SMG1: variants seen among roughly 807,000 people sequenced by gnomAD.
The protein encoded by SMG1 is SMG1 nonsense mediated mRNA decay associated PI3K related kinase, also known as serine/threonine-protein kinase SMG1.
In SMG1, 22 loss-of-function variants were observed where a neutral mutation model predicts 419.9. The observed-to-expected ratio is 0.05, with a 90% CI of 0.04 to 0.07. The LOEUF (loss-of-function observed/expected upper bound fraction) is 0.07, where lower values mean the gene tolerates loss of function less well. SMG1 is among the 10% of genes least tolerant of loss of function. The pLI, the probability that SMG1 is intolerant of heterozygous loss-of-function variation, is 1.00. For missense variants in SMG1, 3,185 were observed against 4,342.0 expected (o/e 0.73, Z 7.49); for synonymous variants, 1,538 against 1,553.5 (o/e 0.99, Z 0.23).
chr16:18,840,450 TTTCA>T (rs2033849677), intron 41 of SMG1, among the ~76,000 whole-genome samples: 1 of 152,202 alleles, frequency 6.6e-6, no homozygotes, highest in Admixed American at 6.5e-5. Context: ...ACTTGCCTCC[TTTCA>T]AACTCATGCT....
At chr16:18,923,576 A>C (rs1047688734) in intron 1 of SMG1, among the ~76,000 whole-genome samples, 10 of 151,668 alleles carry the variant, frequency 6.6e-5, no homozygotes, top group Non-Finnish European at 1.5e-4. Context: ...CAGAGGCTGC[A>C]GTGAGTCGAG....
intron 39 of SMG1, among the ~76,000 whole-genome samples, chr16:18,842,702 G>A (rs147031354): frequency 9.9e-4 from 150 of 152,236 alleles, no homozygotes; most frequent in Middle Eastern, 3.4e-3. Flanking sequence ...GCTCGTGCCT[G>A]TAGTCCCAGA....
chr16:18,832,922 CA>C lies in SMG1; in HGVS notation c.8792+17del, dbSNP rs2033302728. The C allele has an allele frequency of 6.3e-7, 1 of 1,598,058 alleles. No individual in the cohort carries two copies. Among genetic ancestry groups the C allele is most frequent in the Non-Finnish European group, 8.6e-7 (1 of 1,165,618 alleles). ...CCATCTCTTTTACAAGGAAACGGCA[CA>C]GCCAGCATTCACTTGCCTGGCAACA... On this transcript the variant is annotated intron_variant, in intron 51 of 62. Coordinates refer to ENST00000446231, the MANE Select transcript of SMG1 (RefSeq NM_015092.5).
At chr16:18,829,035 C>T (rs2141200801) in intron 54 of SMG1, among the ~76,000 whole-genome samples, 1 of 151,490 alleles carries the variant, frequency 6.6e-6, no homozygotes, top group Non-Finnish European at 1.5e-5. Flanking sequence ...ACAGATCATG[C>T]TTATCATACA....
At chr16:18,908,796 C>T (rs1339005351) in intron 1 of SMG1, among the ~76,000 whole-genome samples, 1 of 151,482 alleles carries the variant, frequency 6.6e-6, no homozygotes, top group East Asian at 1.9e-4. Context: ...AGGAGAATGG[C>T]GTGAGCGCGG....
Position 18,834,951 on chromosome 16 carries a change from T to G in SMG1, c.8271A>C (p.Gly2757=). ...TTGCTAGACTCAAAGATCCTTCTTC[T>G]CCATTCTCATGAAGGAAAACTTTAA... ...RCIKVFLHEN[G]EEGSLSLASV... Residue 2757 remains glycine (G), a synonymous_variant, in exon 49 of 63, where the codon GGA becomes GGC. Transcript: ENST00000446231. The G allele has an allele frequency of 6.2e-7, 1 of 1,614,040 alleles. No homozygotes were observed. Among genetic ancestry groups the G allele is most frequent in the East Asian group, 2.2e-5 (1 of 44,886 alleles).
At chr16:18,883,824 C>A (rs1304202712) in intron 9 of SMG1, among the ~76,000 whole-genome samples, 1 of 149,864 alleles carries the variant, frequency 6.7e-6, no homozygotes, top group African/African-American at 2.5e-5. Flanking sequence ...GAGGCTGAGG[C>A]AGGAGAATCA....
At chr16:18,899,522 T>C (rs1324804981) in intron 1 of SMG1, among the ~76,000 whole-genome samples, 3 of 152,192 alleles carry the variant, frequency 2.0e-5, no homozygotes, top group Non-Finnish European at 4.4e-5. Context: ...CAAAATGCTT[T>C]AGCATTTATA....
intron 1 of SMG1, among the ~76,000 whole-genome samples, chr16:18,913,267 C>G (rs1401225311): frequency 6.6e-6 from 1 of 152,064 alleles, no homozygotes; most frequent in African/African-American, 2.4e-5. Flanking sequence ...GGGTTTGTAT[C>G]ATCAGGAATA....
intron 25 of SMG1, among the ~76,000 whole-genome samples, chr16:18,863,211 A>C (rs372570193): frequency 2.6e-5 from 4 of 152,332 alleles, no homozygotes; most frequent in South Asian, 4.1e-4. Context: ...CTCAGTTTTG[A>C]ATTACAGAAT....
rs1466457366 is a variant in SMG1, at chr16:18,809,156, T to A, written c.*413A>T. 1 of 164,410 alleles carries A rather than the reference T, an allele frequency of 6.1e-6. No individual in the cohort carries two copies. The highest frequency in any genetic ancestry group is 1.3e-5 in the Non-Finnish European group (1 of 75,252). The allele number at this position is 164,410 out of a possible 1,614,324, so 10.2% of individuals were successfully genotyped here. ...CTGTGATTTCTTCGCGACCCCAGTT[T>A]TCTCTGTTTCTGAGTGGGGTTTGTT... On this transcript the variant is annotated 3_prime_UTR_variant, in exon 63 of 63. Transcript: ENST00000446231.
In SMG1 at chr16:18,805,196, G is replaced by A. The variant is rs2030711793; in HGVS notation, c.*4373C>T. ...TGATGTTGTTGCCACTGACATTACA[G>A]GTGGAAATATAAGGGAAATTTAAAC... On this transcript the variant is annotated 3_prime_UTR_variant, in exon 63 of 63. Coordinates refer to ENST00000446231, the MANE Select transcript of SMG1 (RefSeq NM_015092.5). The A allele has an allele frequency of 6.6e-6, 1 of 152,140 alleles. No individual in the cohort carries two copies. The highest frequency in any genetic ancestry group is 1.5e-5 in the Non-Finnish European group (1 of 68,026). 9.4% of individuals were successfully genotyped at this position (152,140 alleles called of 1,614,324 possible). A position where few individuals can be genotyped will look rare whatever the true frequency, so the allele number is the denominator to read the frequency against.
chr16:18,865,141 G>C (rs2035431627), intron 23 of SMG1, among the ~76,000 whole-genome samples: 1 of 152,132 alleles, frequency 6.6e-6, no homozygotes, highest in African/African-American at 2.4e-5. Context: ...AACAATCTTA[G>C]TATTTCATAA....
Position 18,836,050 on chromosome 16 carries a change from A to G in SMG1, c.7940T>C (p.Val2647Ala), listed in dbSNP as rs1341887191. Residue 2647 changes from valine to alanine, a missense_variant, in exon 48 of 63, where the codon GTG becomes GCG. Val to Ala is a moderately conservative substitution (Grantham distance 64). Around this residue, in one of 27 missense-constraint regions of SMG1, gnomAD observed 412 missense variants for 546.6 expected, o/e 0.75. Coordinates refer to ENST00000446231, the MANE Select transcript of SMG1 (RefSeq NM_015092.5). ...TATGGCCTTCGGATACTGCAGGGCC[A>G]CGGTTGCATAGTGATGCAGTTGCTC... ...CLEQLHHYAT[V>A]ALQYPKAIFQ... 2 of 1,599,020 alleles carry G rather than the reference A, an allele frequency of 1.3e-6. No individual in the cohort carries two copies. The highest frequency in any genetic ancestry group is 1.7e-6 in the Non-Finnish European group (2 of 1,172,652).
chr16:18,898,386 AG>A lies in SMG1; in HGVS notation c.93-1431del, dbSNP rs36078579. ...CATAAAGCTAAGTACTTAGAACATA[AG>A]GGAAAATAAAATCTATGGAATTTCA... On this transcript the variant is annotated intron_variant, in intron 1 of 62. Transcript: ENST00000446231. Among the ~76,000 whole-genome samples the A allele has an allele frequency of 6.6e-4, 100 of 152,216 alleles. 1 individual carries two copies. Among genetic ancestry groups the A allele is most frequent in the African/African-American group, 2.2e-3 (92 of 41,564 alleles).
At chr16:18,832,184 A>G (rs921256981) in intron 51 of SMG1, among the ~76,000 whole-genome samples, 4 of 152,074 alleles carry the variant, frequency 2.6e-5, no homozygotes, top group African/African-American at 9.7e-5. Flanking sequence ...TACTCTCTCA[A>G]TTATACTTCT....
intron 29 of SMG1, chr16:18,856,867 CA>C (rs56786029): frequency 0.53 from 71,263 of 134,264 alleles, 17,365 homozygotes; most frequent in Middle Eastern, 0.62. Flanking sequence ...GAGATGGTCT[CA>C]AAAAAAAAAA....
chr16:18,912,465 T>C (rs1340444273), intron 1 of SMG1, among the ~76,000 whole-genome samples: 3 of 152,060 alleles, frequency 2.0e-5, no homozygotes, highest in Non-Finnish European at 1.5e-5. Flanking sequence ...AAACATTACG[T>C]TGTACCCTAT....
chr16:18,926,162 G>GAGT lies in SMG1; in HGVS notation c.-122_-121insACT, dbSNP rs543424633. The GAGT allele has an allele frequency of 3.1e-6, 2 of 646,328 alleles. No individual in the cohort carries two copies. The highest frequency in any genetic ancestry group is 6.9e-5 in the East Asian group (2 of 29,064). 40.0% of individuals were successfully genotyped at this position (646,328 alleles called of 1,614,324 possible). On this transcript the variant is annotated 5_prime_UTR_variant, in exon 1 of 63. Transcript: ENST00000446231. Reference sequence around the variant, plus strand: ...GGCTGAGGAGGAAGCCGAGAAGGAGGAGGAGGAGGAGGAGGAGGAGAAGGA... The same window carrying GAGT: ...GGCTGAGGAGGAAGCCGAGAAGGAGGAGTAGGAGGAGGAGGAGGAGGAGAAGGA...
Sources: allele counts gnomAD v4.1 joint callset (sites outside exome capture counted in the v4.1 genomes callset), GRCh38; gene constraint gnomAD v4.1.1; regional missense constraint gnomAD v4.1.1; transcripts MANE v1.5; gene names NCBI Gene and HGNC (gene_info 2026-07-23, HGNC 2026-07-21).